RALGAPA2: variants seen among roughly 807,000 people sequenced by gnomAD.
The protein encoded by RALGAPA2 is ral GTPase-activating protein subunit alpha-2.
A neutral mutation model predicts 230.4 loss-of-function variants in RALGAPA2; 139 were observed. The ratio of observed to expected loss-of-function variants is 0.60; its 90% CI spans 0.53 to 0.69. The LOEUF (loss-of-function observed/expected upper bound fraction) is 0.69. RALGAPA2 is among the 30% of genes least tolerant of loss of function. The pLI is 0.00. For missense variants in RALGAPA2, 2,163 were observed against 2,276.0 expected (o/e 0.95, Z 1.01); for synonymous variants, 847 against 837.8 (o/e 1.01, Z -0.19).
rs1695255994 is a variant in RALGAPA2 at position 20,536,888 on chromosome 20, T to C, written c.3286-104A>G. ...TCATCCTAGATAAAAAATACCAAACTTGGCCGAGTTATTCTCTTCCAAGTG... is the reference window on the plus strand; with the variant it reads ...TCATCCTAGATAAAAAATACCAAACCTGGCCGAGTTATTCTCTTCCAAGTG... On this transcript the variant is annotated intron_variant, in intron 24 of 39. Coordinates refer to ENST00000202677, the MANE Select transcript of RALGAPA2 (RefSeq NM_020343.4). 4 of 1,309,368 alleles carry C rather than the reference T, an allele frequency of 3.1e-6. No homozygotes were observed. The South Asian group carries it at 4.6e-5, about 15-fold the overall frequency. 81.1% of individuals were successfully genotyped at this position (1,309,368 alleles called of 1,614,324 possible).
intron 36 of RALGAPA2, among the ~76,000 whole-genome samples, chr20:20,479,250 C>T (rs1210313052): frequency 1.3e-5 from 2 of 152,038 alleles, no homozygotes; most frequent in Non-Finnish European, 2.9e-5. Flanking sequence ...ATAAAATCTT[C>T]GAAAGAACAA....
chr20:20,392,689 G>C lies in RALGAPA2; in HGVS notation c.*600C>G, dbSNP rs745911119. The C allele has an allele frequency of 6.2e-6, 1 of 162,234 alleles. No homozygotes were observed. Among genetic ancestry groups the C allele is most frequent in the Non-Finnish European group, 1.4e-5 (1 of 73,664 alleles). The allele number at this position is 162,234 out of a possible 1,614,324, so 10.0% of individuals were successfully genotyped here. ...AAACTTCTCCTGGGCAAAAGACCCC[G>C]GGGAAAGCCAATTTCCATGATGATG... is the stretch of plus-strand genomic sequence containing the variant. On this transcript the variant is annotated 3_prime_UTR_variant, in exon 40 of 40. Transcript: ENST00000202677.
chr20:20,576,851 A>AT (rs1245637181), intron 20 of RALGAPA2, among the ~76,000 whole-genome samples: 1 of 151,848 alleles, frequency 6.6e-6, no homozygotes, highest in Non-Finnish European at 1.5e-5. Flanking sequence ...CACCTCCAAC[A>AT]TTTTTTCTTG....
chr20:20,490,943 C>T (rs2062038292), intron 36 of RALGAPA2, among the ~76,000 whole-genome samples: 1 of 151,418 alleles, frequency 6.6e-6, no homozygotes. Flanking sequence ...AGAGAGCCAG[C>T]GACTACTTCC....
intron 13 of RALGAPA2, among the ~76,000 whole-genome samples, chr20:20,614,891 C>G (rs940962167): frequency 4.6e-5 from 7 of 152,166 alleles, no homozygotes; most frequent in Admixed American, 3.3e-4. Flanking sequence ...AAAGGTGCCA[C>G]TGGTCTGCAG....
intron 6 of RALGAPA2, among the ~76,000 whole-genome samples, chr20:20,640,470 C>G (rs940493042): frequency 1.3e-5 from 2 of 152,310 alleles, no homozygotes; most frequent in Non-Finnish European, 2.9e-5. Flanking sequence ...TCTGTCCCCT[C>G]CTATTCCTGC....
intron 1 of RALGAPA2, among the ~76,000 whole-genome samples, chr20:20,694,991 G>A (rs1042907708): frequency 6.6e-6 from 1 of 152,072 alleles, no homozygotes; most frequent in Non-Finnish European, 1.5e-5. Context: ...TGTTTTGGGG[G>A]GTACTTCCAG....
chr20:20,707,734 A>G (rs938932216), intron 1 of RALGAPA2, among the ~76,000 whole-genome samples: 11 of 151,894 alleles, frequency 7.2e-5, no homozygotes, highest in African/African-American at 2.7e-4. Context: ...CTGGCTTCTG[A>G]TCCCCCAGCC....
intron 31 of RALGAPA2, among the ~76,000 whole-genome samples, chr20:20,514,495 A>G (rs1327872746): frequency 6.6e-6 from 1 of 151,594 alleles, no homozygotes; most frequent in African/African-American, 2.4e-5. Flanking sequence ...CCACATCCAG[A>G]TGGATCTCCA....
intron 36 of RALGAPA2, among the ~76,000 whole-genome samples, chr20:20,474,705 C>T (rs548226743): frequency 2.6e-5 from 4 of 152,288 alleles, no homozygotes; most frequent in Admixed American, 1.3e-4. Context: ...GCTGGAGCTA[C>T]GTTTTCCTGA....
chr20:20,485,767 A>T (rs1180598489), intron 36 of RALGAPA2, among the ~76,000 whole-genome samples: 1 of 152,192 alleles, frequency 6.6e-6, no homozygotes, highest in Non-Finnish European at 1.5e-5. Context: ...ATCATTTATT[A>T]TTCATCCATA....
At chr20:20,403,775 CAG>C (rs1211457294) in intron 38 of RALGAPA2, among the ~76,000 whole-genome samples, 2 of 152,338 alleles carry the variant, frequency 1.3e-5, no homozygotes, top group South Asian at 4.1e-4. Flanking sequence ...ACGCTGACTG[CAG>C]AGTCTACCCA....
At position 20,712,571 on chromosome 20, in the gene RALGAPA2, C is replaced by T. The variant is rs995565328; in HGVS notation, c.-91G>A. On this transcript the variant is annotated 5_prime_UTR_variant, in exon 1 of 40. Coordinates refer to ENST00000202677, the MANE Select transcript of RALGAPA2 (RefSeq NM_020343.4). This position sits in a 1 kb window ranked among gnomAD's most constrained non-coding sequence, Gnocchi z 5.5. ...ATAGGGTCGAGGCCGGCGCGTGTCGCGCGGGCCACTCGCCGCCCCCAGCCC... is the reference window on the plus strand; with the variant it reads ...ATAGGGTCGAGGCCGGCGCGTGTCGTGCGGGCCACTCGCCGCCCCCAGCCC... 1.8e-5 allele frequency: 23 copies of T among 1,291,660 alleles called. No individual in the cohort carries two copies. The highest frequency in any genetic ancestry group is 2.3e-5 in the Non-Finnish European group (23 of 1,019,052). The allele number at this position is 1,291,660 out of a possible 1,614,324, so 80.0% of individuals were successfully genotyped here.
chr20:20,654,069 G>A (rs1203133954), intron 3 of RALGAPA2, among the ~76,000 whole-genome samples: 1 of 152,046 alleles, frequency 6.6e-6, no homozygotes, highest in Non-Finnish European at 1.5e-5. Context: ...TGAAATTGGT[G>A]GCAAGAATTT....
chr20:20,547,838 C>A (rs1453813740), intron 23 of RALGAPA2, among the ~76,000 whole-genome samples: 1 of 152,122 alleles, frequency 6.6e-6, no homozygotes, highest in Non-Finnish European at 1.5e-5. Flanking sequence ...GTGACTTACA[C>A]AAACCTAGAT....
At chr20:20,465,688 T>G (rs1456897076) in intron 37 of RALGAPA2, among the ~76,000 whole-genome samples, 1 of 152,144 alleles carries the variant, frequency 6.6e-6, no homozygotes, top group African/African-American at 2.4e-5. Flanking sequence ...GTGTACCACC[T>G]TCTCTCGAGA....
chr20:20,700,673 C>A lies in RALGAPA2; in HGVS notation c.106+11702G>T, dbSNP rs368678651. On this transcript the variant is annotated intron_variant, in intron 1 of 39. Coordinates refer to ENST00000202677, the MANE Select transcript of RALGAPA2 (RefSeq NM_020343.4). ...TTACTGCCCCTCTTTCCCCCGAACCCCATCAAGGTTTACGAACACCAATCT... is the reference window on the plus strand; with the variant it reads ...TTACTGCCCCTCTTTCCCCCGAACCACATCAAGGTTTACGAACACCAATCT... 3.9e-5 allele frequency among the ~76,000 whole-genome samples: 6 copies of A among 152,170 alleles called. No individual in the cohort carries two copies. The East Asian group carries it at 5.8e-4, about 15-fold the overall frequency.
At chr20:20,476,674 A>AAAATAAATAAATAAAT (rs557603048) in intron 36 of RALGAPA2, among the ~76,000 whole-genome samples, 16 of 139,452 alleles carry the variant, frequency 1.1e-4, no homozygotes, top group East Asian at 2.1e-4. Flanking sequence ...CATAAATCAT[A>AAAATAAATAAATAAAT]AAATAAATAA....
intron 27 of RALGAPA2, 115 bp from the exon 28 acceptor site, chr20:20,526,477 C>A (rs766685193): frequency 1.5e-4 from 103 of 682,008 alleles, no homozygotes; most frequent in Non-Finnish European, 2.4e-4. Flanking sequence ...ATCTGTTTTG[C>A]CTCAAATTGA....
Sources: gnomAD v4.1 joint callset for allele counts (sites outside exome capture counted in the v4.1 genomes callset) on GRCh38, gnomAD v4.1.1 for gene constraint, Gnocchi (gnomAD v3.1) non-coding constraint, MANE v1.5 for transcripts, NCBI Gene and HGNC (gene_info 2026-07-23, HGNC 2026-07-21) for gene names.